USP22: variants seen among roughly 807,000 people sequenced by gnomAD.
USP22 encodes ubiquitin carboxyl-terminal hydrolase 22.
A neutral mutation model predicts 68.1 loss-of-function variants in USP22; 22 were observed. The ratio of observed to expected loss-of-function variants is 0.32; its 90% CI spans 0.23 to 0.46. The LOEUF is 0.46. Ranked by LOEUF, USP22 falls within the 20% of genes least tolerant of loss-of-function variation. The pLI is 1.00. For synonymous variants in USP22, 279 were observed against 274.2 expected, an observed-to-expected ratio of 1.02 and a Z score of -0.17; for missense variants, 433 against 695.8, an observed-to-expected ratio of 0.62 and a Z score of 4.25.
chr17:21,027,731 G>A (rs1290087576), intron 2 of USP22, among the ~76,000 whole-genome samples: 1 of 152,192 alleles, frequency 6.6e-6, no homozygotes, highest in African/African-American at 2.4e-5. Context: ...CACTTTGGGA[G>A]GCCAAGGCAG....
At chr17:21,020,794 G>A (rs545916971) in intron 3 of USP22, among the ~76,000 whole-genome samples, 1 of 152,282 alleles carries the variant, frequency 6.6e-6, no homozygotes, top group Non-Finnish European at 1.5e-5. Flanking sequence ...ACATCTGCAG[G>A]TGCGCCCTGG....
At chr17:21,019,576 C>T (rs1325212540) in intron 3 of USP22, among the ~76,000 whole-genome samples, 1 of 152,252 alleles carries the variant, frequency 6.6e-6, no homozygotes, top group Non-Finnish European at 1.5e-5. Context: ...AGAGCTTGCA[C>T]TTTTCAGCAA....
chr17:21,023,123 A>G (rs866573051), intron 2 of USP22, among the ~76,000 whole-genome samples: 12 of 152,286 alleles, frequency 7.9e-5, no homozygotes, highest in South Asian at 4.1e-4. Context: ...TGGGAGCTAA[A>G]CCATTAGAAC....
rs1475473722 is a variant in USP22, at chr17:21,015,852, G to A, written c.738C>T (p.His246=). Residue 246 remains histidine, a synonymous_variant, in exon 6 of 13, where the codon CAC becomes CAT. Coordinates refer to ENST00000261497, the MANE Select transcript of USP22 (RefSeq NM_015276.2). ...RSPHIPYKLL[H]LVWTHARHLA... is the part of the protein sequence containing the mutation. ...GGTGCCTCGCGTGGGTCCACACCAG[G>A]TGCAGCAACTTATACGGGATGTGAG... 3 of 1,614,012 alleles carry A rather than the reference G, an allele frequency of 1.9e-6. No homozygotes were observed. The highest frequency in any genetic ancestry group is 2.5e-6 in the Non-Finnish European group (3 of 1,180,036).
intron 1 of USP22, among the ~76,000 whole-genome samples, chr17:21,038,576 G>A (rs993459642): frequency 1.3e-5 from 2 of 151,852 alleles, no homozygotes; most frequent in Non-Finnish European, 1.5e-5. Flanking sequence ...GCTGAGGCAG[G>A]AGGATCACTG....
At chr17:21,010,796 G>A (rs1402579171) in intron 8 of USP22, among the ~76,000 whole-genome samples, 1 of 152,058 alleles carries the variant, frequency 6.6e-6, no homozygotes, top group African/African-American at 2.4e-5. Flanking sequence ...AGAGAAGGCC[G>A]TGGACCATGG....
At chr17:21,026,604 G>A (rs1207436464) in intron 2 of USP22, among the ~76,000 whole-genome samples, 1 of 151,326 alleles carries the variant, frequency 6.6e-6, no homozygotes, top group African/African-American at 2.4e-5. Flanking sequence ...GATTACAGGT[G>A]CAAGCCACAC....
chr17:21,042,247 A>C, intron 1 of USP22: 1 of 155,058 alleles, frequency 6.4e-6, no homozygotes, highest in Non-Finnish European at 1.4e-5. Context: ...GGGACCGCCC[A>C]CCGAAGTCCC....
In USP22 at chr17:21,002,922, C is replaced by G; in HGVS notation, c.*109G>C. On this transcript the variant is annotated 3_prime_UTR_variant, in exon 13 of 13. Coordinates refer to ENST00000261497, the MANE Select transcript of USP22 (RefSeq NM_015276.2). The stretch of plus-strand genomic sequence containing the variant: ...ACATCTGCATGGGAGGTGGTGTCAC[C>G]AGGCCGGGGAGGCGGCGGGAGACTT... 1 of 1,389,054 alleles carries G rather than the reference C, an allele frequency of 7.2e-7. No homozygotes were observed. Among genetic ancestry groups the G allele is most frequent in the Non-Finnish European group, 1.0e-6 (1 of 992,060 alleles). 86.0% of individuals were successfully genotyped at this position (1,389,054 alleles called of 1,614,324 possible).
Position 21,007,111 on chromosome 17 carries a change from T to C in USP22, c.1231-124A>G, listed in dbSNP as rs9914758. The C allele has an allele frequency of 0.28, 219,808 of 775,448 alleles. 32,934 individuals carry two copies. Among genetic ancestry groups the C allele is most frequent in the Middle Eastern group, 0.37 (1,521 of 4,066 alleles). The allele number at this position is 775,448 out of a possible 1,614,324, so 48.0% of individuals were successfully genotyped here. On this transcript the variant is annotated intron_variant, in intron 9 of 12. Transcript: ENST00000261497. ...CTCTTTTGTATTTTATTGAACTGCC[T>C]TGTAGCTACATCTAGAATTACAGAT... is the stretch of plus-strand genomic sequence containing the variant.
At chr17:21,035,320 G>A (rs917023330) in intron 1 of USP22, among the ~76,000 whole-genome samples, 1 of 152,156 alleles carries the variant, frequency 6.6e-6, no homozygotes, top group Non-Finnish European at 1.5e-5. Flanking sequence ...CTCTGCTACA[G>A]GTACTGGCCA....
At chr17:21,022,268 C>A (rs2143589984) in intron 2 of USP22, among the ~76,000 whole-genome samples, 1 of 150,052 alleles carries the variant, frequency 6.7e-6, no homozygotes, top group East Asian at 2.1e-4. Context: ...GTCGTTTGAA[C>A]TTTCTAATCG....
At chr17:21,022,215 C>G (rs953692561) in intron 2 of USP22, among the ~76,000 whole-genome samples, 2 of 152,148 alleles carry the variant, frequency 1.3e-5, no homozygotes, top group African/African-American at 4.8e-5. Flanking sequence ...TCACAAGAAA[C>G]TGTTCACAGT....
At chr17:21,022,664 T>C (rs1239857511) in intron 2 of USP22, among the ~76,000 whole-genome samples, 1 of 152,080 alleles carries the variant, frequency 6.6e-6, no homozygotes, top group African/African-American at 2.4e-5. Context: ...CCAGGCATGG[T>C]GGCAGGCACC....
Position 21,019,118 on chromosome 17 carries a change from C to A in USP22, c.486G>T (p.Pro162=), listed in dbSNP as rs766960526. The change falls in exon 4 of 13, where the codon CCG becomes CCT. Residue 162 remains proline, a synonymous_variant. Coordinates refer to ENST00000261497, the MANE Select transcript of USP22 (RefSeq NM_015276.2). ...AGTTCGAGGTGATCTTTCTCCTTTT[C>A]GGGTTGTGCTTCAGCAGTTCAAGCT... ...KRELELLKHN[P]KRRKITSNCT... is the part of the protein sequence containing the mutation. 1 of 1,614,204 alleles carries A rather than the reference C, an allele frequency of 6.2e-7. No individual in the cohort carries two copies. The highest frequency in any genetic ancestry group is 8.5e-7 in the Non-Finnish European group (1 of 1,180,012).
At chr17:21,042,179 GC>G (rs1287249791) in intron 1 of USP22, 2 of 153,368 alleles carry the variant, frequency 1.3e-5, no homozygotes, top group African/African-American at 4.8e-5. Flanking sequence ...CCCGCATCCA[GC>G]CCCGAACCCT....
intron 5 of USP22, among the ~76,000 whole-genome samples, chr17:21,017,052 T>C (rs1202967434): frequency 6.6e-6 from 1 of 152,200 alleles, no homozygotes; most frequent in Non-Finnish European, 1.5e-5. Context: ...TATGGCACAT[T>C]GCAGGTACTT....
chr17:21,006,049 G>A (rs1913767616), intron 10 of USP22, among the ~76,000 whole-genome samples: 1 of 152,182 alleles, frequency 6.6e-6, no homozygotes, highest in Admixed American at 6.5e-5. Flanking sequence ...GGTGAGGAAT[G>A]GAATCCCCAA....
chr17:21,007,820 T>C (rs1341071229), intron 9 of USP22, 50 bp downstream of exon 9: 6 of 1,612,776 alleles, frequency 3.7e-6, no homozygotes, highest in Non-Finnish European at 4.2e-6. Context: ...GACCGTACTG[T>C]GGACTAAAAA....
Sources: gnomAD v4.1 joint callset for allele counts (sites outside exome capture counted in the v4.1 genomes callset) on GRCh38, gnomAD v4.1.1 for gene constraint, MANE v1.5 for transcripts, NCBI Gene and HGNC (gene_info 2026-07-23, HGNC 2026-07-21) for gene names.